Variants in SCN8A observed in about 807,000 individuals in gnomAD.
SCN8A encodes the protein sodium channel protein type 8 subunit alpha.
SCN8A carries 30 observed loss-of-function variants against 184.1 expected under a neutral mutation model. The ratio of observed to expected loss-of-function variants is 0.16; its 90% CI spans 0.12 to 0.22. SCN8A has a LOEUF of 0.22. Ranked by LOEUF, SCN8A falls within the 10% of genes least tolerant of loss-of-function variation. The pLI is 1.00. For synonymous variants in SCN8A, 852 were observed against 907.0 expected, an observed-to-expected ratio of 0.94 and a Z score of 1.09; for missense variants, 1,057 against 2,498.9, an observed-to-expected ratio of 0.42 and a Z score of 12.30.
At chr12:51,644,192 G>T (rs1940513151) in intron 1 of SCN8A, among the ~76,000 whole-genome samples, 1 of 152,160 alleles carries the variant, frequency 6.6e-6, no homozygotes, top group South Asian at 2.1e-4. Flanking sequence ...ATCTCATAGG[G>T]CTGGAAGGGA....
chr12:51,740,255 G>C (rs1407930903), intron 12 of SCN8A, among the ~76,000 whole-genome samples: 1 of 152,220 alleles, frequency 6.6e-6, no homozygotes, highest in Non-Finnish European at 1.5e-5. Context: ...CCAGATTTTG[G>C]GGGGCTTGCT....
chr12:51,787,355 T>C (rs1417428370), intron 22 of SCN8A, among the ~76,000 whole-genome samples: 5 of 152,204 alleles, frequency 3.3e-5, no homozygotes, highest in South Asian at 2.1e-4. Context: ...TAGATAATTT[T>C]CTTTTGCCTA....
In SCN8A at chr12:51,811,906, T is replaced by C. The variant is rs1938914313; in HGVS notation, c.*4477T>C. On this transcript the variant is annotated 3_prime_UTR_variant, in exon 27 of 27. Coordinates refer to ENST00000627620, the MANE Select transcript of SCN8A (RefSeq NM_001330260.2). Reference sequence around the variant, plus strand: ...TCTGTAATGATGCCTCTTTCTTTTCTCAGATGTTGCCCACAGTTTAGCAAA... The same window carrying C: ...TCTGTAATGATGCCTCTTTCTTTTCCCAGATGTTGCCCACAGTTTAGCAAA... The C allele has an allele frequency of 6.6e-6, 1 of 152,230 alleles. No homozygotes were observed. The highest frequency in any genetic ancestry group is 1.5e-5 in the Non-Finnish European group (1 of 68,046). The allele number at this position is 152,230 out of a possible 1,614,324, so 9.4% of individuals were successfully genotyped here.
chr12:51,757,091 T>C (rs1234337951), intron 14 of SCN8A, among the ~76,000 whole-genome samples: 2 of 152,246 alleles, frequency 1.3e-5, no homozygotes, highest in Non-Finnish European at 2.9e-5. Flanking sequence ...GTTATTGTTC[T>C]GTCCCCTCCT....
At chr12:51,792,341 G>A (rs532607279) in intron 25 of SCN8A, among the ~76,000 whole-genome samples, 2 of 150,884 alleles carry the variant, frequency 1.3e-5, no homozygotes, top group Non-Finnish European at 1.5e-5. Context: ...AAAATTAGCC[G>A]AGCCTGGTAG....
intron 25 of SCN8A, among the ~76,000 whole-genome samples, chr12:51,792,776 T>C (rs796723610): frequency 2.6e-5 from 4 of 152,312 alleles, no homozygotes; most frequent in African/African-American, 7.2e-5. Context: ...AGAGTCTCTC[T>C]CTGTTAACCA....
At position 51,811,148 on chromosome 12, in the gene SCN8A, C is replaced by A. The variant is rs1195947069; in HGVS notation, c.*3719C>A. The A allele has an allele frequency of 2.0e-5, 3 of 152,162 alleles. No individual in the cohort carries two copies. Among genetic ancestry groups the A allele is most frequent in the South Asian group, 2.1e-4 (1 of 4,830 alleles). 9.4% of individuals were successfully genotyped at this position (152,162 alleles called of 1,614,324 possible). Reference sequence around the variant, plus strand: ...TGTTTGTTGCTTGACTATCCCAATTCTTGAGTCCTGGGAGGGGTCTGGGAA... The same window carrying A: ...TGTTTGTTGCTTGACTATCCCAATTATTGAGTCCTGGGAGGGGTCTGGGAA... On this transcript the variant is annotated 3_prime_UTR_variant, in exon 27 of 27. Transcript: ENST00000627620.
chr12:51,760,227 CAA>C (rs777031078), intron 14 of SCN8A, among the ~76,000 whole-genome samples: 4 of 152,208 alleles, frequency 2.6e-5, no homozygotes, highest in Non-Finnish European at 4.4e-5. Flanking sequence ...ACAGTGCAAA[CAA>C]GAGCATCATA....
In SCN8A at chr12:51,591,298, C is replaced by G. The variant is rs1389605351; in HGVS notation, c.-116C>G. 1 of 154,782 alleles carries G rather than the reference C, an allele frequency of 6.5e-6. No homozygotes were observed. The highest frequency in any genetic ancestry group is 2.4e-5 in the African/African-American group (1 of 41,438). 9.6% of individuals were successfully genotyped at this position (154,782 alleles called of 1,614,324 possible). ...CCGCATCCTCGGCGCCTTTGCAGTC[C>G]GGCCGCGCCTCCCGGGCCCCGCGTT... On this transcript the variant is annotated 5_prime_UTR_variant, in exon 1 of 27. Transcript: ENST00000627620.
chr12:51,803,783 G>A (rs1284235422), intron 26 of SCN8A, among the ~76,000 whole-genome samples: 2 of 152,106 alleles, frequency 1.3e-5, no homozygotes, highest in Non-Finnish European at 2.9e-5. Flanking sequence ...TCATGGGTGG[G>A]TCCTGGCTAA....
chr12:51,806,182 G>T lies in SCN8A; in HGVS notation c.4796-100G>T, dbSNP rs1459940907. On this transcript the variant is annotated intron_variant, in intron 26 of 26. Coordinates refer to ENST00000627620, the MANE Select transcript of SCN8A (RefSeq NM_001330260.2). The surrounding 1 kb of genome is among the most constrained non-coding windows in gnomAD (Gnocchi z 8.7). ...AATAGTAAGGCACTTATTCTGCAAA[G>T]CCCTTTGAACCTAAGGGTTCCACAA... 1.5e-5 allele frequency: 17 copies of T among 1,136,954 alleles called. No individual in the cohort carries two copies. Among genetic ancestry groups the T allele is most frequent in the Non-Finnish European group, 2.1e-5 (17 of 812,520 alleles). 70.4% of individuals were successfully genotyped at this position (1,136,954 alleles called of 1,614,324 possible).
At chr12:51,673,099 T>A (rs1469265161) in intron 2 of SCN8A, among the ~76,000 whole-genome samples, 3 of 152,198 alleles carry the variant, frequency 2.0e-5, no homozygotes, top group African/African-American at 7.2e-5. Context: ...TAGTCAGCCC[T>A]CCATACCCAT....
chr12:51,615,791 C>T (rs1256156266), intron 1 of SCN8A, among the ~76,000 whole-genome samples: 1 of 152,168 alleles, frequency 6.6e-6, no homozygotes, highest in Non-Finnish European at 1.5e-5. Flanking sequence ...AATCGTAGCT[C>T]ACTGCAGCCT....
chr12:51,648,221 A>C (rs1940633599), intron 1 of SCN8A, among the ~76,000 whole-genome samples: 2 of 152,344 alleles, frequency 1.3e-5, no homozygotes, highest in Middle Eastern at 3.4e-3. Flanking sequence ...ATAGAGTCTC[A>C]CTATGTTGCC....
At chr12:51,706,081 G>C (rs756593667) in intron 10 of SCN8A, among the ~76,000 whole-genome samples, 6 of 152,128 alleles carry the variant, frequency 3.9e-5, no homozygotes, top group Non-Finnish European at 8.8e-5. Flanking sequence ...TTATCTAAAT[G>C]TACATGTATT....
At chr12:51,716,169 A>C (rs1256993092) in intron 11 of SCN8A, among the ~76,000 whole-genome samples, 1 of 53,684 alleles carries the variant, frequency 1.9e-5, no homozygotes, top group East Asian at 1.1e-3. Context: ...CCCTGTATCT[A>C]CAAAAAATAT....
intron 6 of SCN8A, chr12:51,689,413 C>G (rs1941471114): frequency 2.7e-5 from 7 of 258,874 alleles, no homozygotes; most frequent in Non-Finnish European, 4.4e-5. Flanking sequence ...TGCTTCCTGG[C>G]TCCATGGAAT....
intron 2 of SCN8A, among the ~76,000 whole-genome samples, chr12:51,670,360 A>G (rs1325582924): frequency 2.0e-5 from 3 of 152,218 alleles, no homozygotes; most frequent in Non-Finnish European, 4.4e-5. Flanking sequence ...CAATTCCTCC[A>G]ATCTAGAAAA....
At chr12:51,654,667 T>C (rs576105090) in intron 1 of SCN8A, among the ~76,000 whole-genome samples, 1 of 152,262 alleles carries the variant, frequency 6.6e-6, no homozygotes, top group East Asian at 1.9e-4. Flanking sequence ...GACAAGATCT[T>C]TTTAATTTTC....
Sources: gnomAD v4.1 joint callset for allele counts (sites outside exome capture counted in the v4.1 genomes callset) on GRCh38, gnomAD v4.1.1 for gene constraint, Gnocchi (gnomAD v3.1) non-coding constraint, MANE v1.5 for transcripts, NCBI Gene and HGNC (gene_info 2026-07-23, HGNC 2026-07-21) for gene names.